Variants in GABRA2 observed in about 807,000 individuals in gnomAD.
GABRA2 encodes the protein gamma-aminobutyric acid receptor subunit alpha-2.
A neutral mutation model predicts 48.7 loss-of-function variants in GABRA2; 16 were observed. The observed-to-expected ratio is 0.33, with a 90% CI of 0.22 to 0.50. The LOEUF (loss-of-function observed/expected upper bound fraction) is 0.50, where lower values mean the gene tolerates loss of function less well. Among genes scored for constraint, GABRA2 ranks in the 20% least tolerant of loss-of-function variants. GABRA2 has a pLI of 0.98. For synonymous variants in GABRA2, 185 were observed against 184.5 expected (o/e 1.00, Z -0.02); for missense variants, 275 against 535.6 (o/e 0.51, Z 4.80).
intron 8 of GABRA2, among the ~76,000 whole-genome samples, chr4:46,284,961 T>G (rs891958050): frequency 2.7e-5 from 4 of 150,086 alleles, no homozygotes; most frequent in African/African-American, 9.8e-5. Context: ...AGTGAGAAAT[T>G]TAAAGAAGGT....
chr4:46,328,896 T>C (rs1023295942), intron 4 of GABRA2, among the ~76,000 whole-genome samples: 4 of 152,108 alleles, frequency 2.6e-5, no homozygotes, highest in African/African-American at 4.8e-5. Context: ...AAATCATTCA[T>C]TTTGATCATC....
At chr4:46,285,953 T>G (rs967647085) in intron 8 of GABRA2, among the ~76,000 whole-genome samples, 2 of 152,230 alleles carry the variant, frequency 1.3e-5, no homozygotes, top group East Asian at 1.9e-4. Context: ...AAAAATTATT[T>G]TACAGAAGAG....
At chr4:46,257,220 A>G (rs1484314173) in intron 9 of GABRA2, among the ~76,000 whole-genome samples, 1 of 151,720 alleles carries the variant, frequency 6.6e-6, no homozygotes, top group African/African-American at 2.4e-5. Context: ...TTGGGGAATG[A>G]GAGGAGTTAA....
At chr4:46,363,985 T>C (rs997977448) in intron 3 of GABRA2, 3 of 152,194 alleles carry the variant, frequency 2.0e-5, no homozygotes, top group African/African-American at 7.2e-5. Flanking sequence ...AAAATTGCTT[T>C]TTCTCTTGCG....
intron 8 of GABRA2, among the ~76,000 whole-genome samples, chr4:46,274,695 C>A (rs1720141237): frequency 6.6e-6 from 1 of 152,090 alleles, no homozygotes; most frequent in Admixed American, 6.6e-5. Context: ...ATGTTAAATT[C>A]TCCCCTCTCT....
At chr4:46,278,383 T>C (rs1037515659) in intron 8 of GABRA2, among the ~76,000 whole-genome samples, 1 of 152,134 alleles carries the variant, frequency 6.6e-6, no homozygotes, top group Non-Finnish European at 1.5e-5. Context: ...ATCTAGAGTT[T>C]AGAGAGGTAG....
intron 2 of GABRA2, among the ~76,000 whole-genome samples, chr4:46,386,512 A>C (rs1485543990): frequency 6.6e-6 from 1 of 152,220 alleles, no homozygotes; most frequent in Non-Finnish European, 1.5e-5. Context: ...AGATTAACAC[A>C]TGCAAACACT....
intron 3 of GABRA2, among the ~76,000 whole-genome samples, chr4:46,373,772 G>A (rs1261813551): frequency 2.0e-5 from 3 of 152,006 alleles, no homozygotes; most frequent in Non-Finnish European, 4.4e-5. Context: ...TTAAGATTCC[G>A]AAGTTTCTTT....
chr4:46,316,861 T>C (rs1174621785), intron 4 of GABRA2, among the ~76,000 whole-genome samples: 2 of 151,936 alleles, frequency 1.3e-5, no homozygotes. Flanking sequence ...GGCTTTTCTT[T>C]CTCTTGACAA....
At chr4:46,266,976 G>A (rs920062352) in intron 8 of GABRA2, among the ~76,000 whole-genome samples, 8 of 151,674 alleles carry the variant, frequency 5.3e-5, no homozygotes, top group Non-Finnish European at 7.4e-5. Flanking sequence ...CACCATCCTC[G>A]GCCTCCCAAA....
At chr4:46,266,160 G>A (rs1445964177) in intron 8 of GABRA2, among the ~76,000 whole-genome samples, 1 of 151,450 alleles carries the variant, frequency 6.6e-6, no homozygotes, top group African/African-American at 2.4e-5. Flanking sequence ...AGTATGTTAG[G>A]TCTAGTTGGC....
chr4:46,387,266 T>G (rs1474959976), intron 2 of GABRA2, among the ~76,000 whole-genome samples: 1 of 152,202 alleles, frequency 6.6e-6, no homozygotes, highest in South Asian at 2.1e-4. Context: ...GATTATTAAT[T>G]GATAATGGAT....
intron 8 of GABRA2, among the ~76,000 whole-genome samples, chr4:46,265,027 A>T (rs935092166): frequency 1.7e-3 from 205 of 122,454 alleles, no homozygotes; most frequent in Non-Finnish European, 2.7e-3. Flanking sequence ...AGAGATAGAG[A>T]GAGAGAGAGA....
Position 46,250,275 on chromosome 4 carries a change from G to A in GABRA2, c.*33C>T, listed in dbSNP as rs1371221923. The A allele has an allele frequency of 2.5e-6, 4 of 1,569,392 alleles. No homozygotes were observed. Among genetic ancestry groups the A allele is most frequent in the Non-Finnish European group, 3.5e-6 (4 of 1,152,728 alleles). On this transcript the variant is annotated 3_prime_UTR_variant, in exon 10 of 10. Coordinates refer to ENST00000381620, the MANE Select transcript of GABRA2 (RefSeq NM_000807.4). Reference sequence around the variant, plus strand: ...AGCAAAACAAACCAAATTTAATGTTGCTATACATCCCAAAGATAACATGGG... The same window carrying A: ...AGCAAAACAAACCAAATTTAATGTTACTATACATCCCAAAGATAACATGGG...
rs201373618 is a variant in GABRA2, at chr4:46,250,401, G to A, written c.1263C>T (p.Ser421=). Residue 421 remains serine, a synonymous_variant, in exon 10 of 10, where the codon TCC becomes TCT. Coordinates refer to ENST00000381620, the MANE Select transcript of GABRA2 (RefSeq NM_000807.4). ...CAAACAAAACTGGAAAAACTATTCT[G>A]GACATTCTGTCAATTTTGCTAACAC... is the stretch of plus-strand genomic sequence containing the variant. The part of the protein sequence containing the change: ...FNSVSKIDRM[S]RIVFPVLFGT... The A allele has an allele frequency of 6.2e-7, 1 of 1,611,506 alleles. No homozygotes were observed. Among genetic ancestry groups the A allele is most frequent in the Non-Finnish European group, 8.5e-7 (1 of 1,178,378 alleles).
intron 3 of GABRA2, chr4:46,366,975 C>T (rs1160103074): frequency 6.6e-6 from 1 of 151,994 alleles, no homozygotes; most frequent in Admixed American, 6.6e-5. Context: ...GTATGCATTA[C>T]AGATGACTGA....
chr4:46,286,996 T>C (rs1300443555), intron 8 of GABRA2, among the ~76,000 whole-genome samples: 1 of 152,196 alleles, frequency 6.6e-6, no homozygotes, highest in Non-Finnish European at 1.5e-5. Flanking sequence ...CTTTTGGTGT[T>C]AGATCTAAGA....
chr4:46,326,728 T>C (rs1435891798), intron 4 of GABRA2, among the ~76,000 whole-genome samples: 2 of 151,908 alleles, frequency 1.3e-5, no homozygotes, highest in Non-Finnish European at 2.9e-5. Flanking sequence ...TCAACCACCA[T>C]TAGATGGCCC....
chr4:46,308,424 A>G (rs1560508128), intron 6 of GABRA2, among the ~76,000 whole-genome samples: 1 of 152,164 alleles, frequency 6.6e-6, no homozygotes, highest in Non-Finnish European at 1.5e-5. Flanking sequence ...GAAGGAATAA[A>G]TGAGTAGAAG....
Sources: gnomAD v4.1 joint callset for allele counts (sites outside exome capture counted in the v4.1 genomes callset) on GRCh38, gnomAD v4.1.1 for gene constraint, MANE v1.5 for transcripts, NCBI Gene and HGNC (gene_info 2026-07-23, HGNC 2026-07-21) for gene names.